Variants in MOB3B observed in about 807,000 individuals in gnomAD.
MOB3B encodes MOB kinase activator-like 2B.
In MOB3B, 7 loss-of-function variants were observed where a neutral mutation model predicts 18.7. The ratio of observed to expected loss-of-function variants is 0.37; its 90% CI spans 0.21 to 0.70. The LOEUF is 0.70. Ranked by LOEUF, MOB3B falls within the 30% of genes least tolerant of loss-of-function variation. The pLI is 0.52. For missense variants in MOB3B, 253 were observed against 281.3 expected, an observed-to-expected ratio of 0.90 and a Z score of 0.72; for synonymous variants, 111 against 99.9, an observed-to-expected ratio of 1.11 and a Z score of -0.66.
chr9:27,411,818 T>G (rs544362854), intron 2 of MOB3B, among the ~76,000 whole-genome samples: 1 of 152,322 alleles, frequency 6.6e-6, no homozygotes, highest in Middle Eastern at 3.4e-3. Flanking sequence ...TCAACCCTAA[T>G]GTAAACTATG....
chr9:27,488,494 G>C (rs1819764786), intron 1 of MOB3B, among the ~76,000 whole-genome samples: 1 of 152,144 alleles, frequency 6.6e-6, no homozygotes, highest in African/African-American at 2.4e-5. Flanking sequence ...TGCAGCCTCT[G>C]CCTCCCAGGT....
intron 2 of MOB3B, among the ~76,000 whole-genome samples, chr9:27,360,980 G>A (rs1251749381): frequency 6.6e-6 from 1 of 152,190 alleles, no homozygotes; most frequent in Non-Finnish European, 1.5e-5. Context: ...GTGGAGAGGG[G>A]CCTGCAGAAC....
chr9:27,500,532 A>T (rs1007116790), intron 1 of MOB3B, among the ~76,000 whole-genome samples: 4 of 152,126 alleles, frequency 2.6e-5, no homozygotes, highest in African/African-American at 9.7e-5. Flanking sequence ...TACTGGGAAA[A>T]CTCGCTAGCC....
chr9:27,346,366 G>A lies in MOB3B; in HGVS notation c.621+12668C>T, dbSNP rs561318927. On this transcript the variant is annotated intron_variant, in intron 3 of 3. Transcript: ENST00000262244. ...TGTATCTGGGTTTTGGAATCAGACCGTATGTGCTCAATCTTGGCTCCACAG... is the reference window on the plus strand; with the variant it reads ...TGTATCTGGGTTTTGGAATCAGACCATATGTGCTCAATCTTGGCTCCACAG... Among the ~76,000 whole-genome samples the A allele has an allele frequency of 8.2e-4, 125 of 152,292 alleles. 2 individuals carry two copies. Among genetic ancestry groups the A allele is most frequent in the African/African-American group, 2.9e-3 (121 of 41,550 alleles).
At chr9:27,497,927 AG>A (rs1819923859) in intron 1 of MOB3B, among the ~76,000 whole-genome samples, 1 of 152,270 alleles carries the variant, frequency 6.6e-6, no homozygotes, top group African/African-American at 2.4e-5. Context: ...TGAAACTCCA[AG>A]AAAGACAAGA....
At chr9:27,362,077 T>C (rs867386564) in intron 2 of MOB3B, among the ~76,000 whole-genome samples, 9 of 152,136 alleles carry the variant, frequency 5.9e-5, no homozygotes, top group Non-Finnish European at 1.0e-4. Flanking sequence ...TCCAAGCGGC[T>C]CTGTTCCCCC....
chr9:27,528,454 A>G (rs1181284504), intron 1 of MOB3B, among the ~76,000 whole-genome samples: 6 of 152,224 alleles, frequency 3.9e-5, no homozygotes, highest in Non-Finnish European at 7.3e-5. Flanking sequence ...GAGATCTGAG[A>G]AATGCGCCCT....
At chr9:27,456,748 C>A (rs1176365136) in intron 1 of MOB3B, among the ~76,000 whole-genome samples, 3 of 152,308 alleles carry the variant, frequency 2.0e-5, no homozygotes, top group African/African-American at 7.2e-5. Flanking sequence ...CGTGATAATG[C>A]AAATGTGTTA....
chr9:27,368,323 T>C (rs1821366601), intron 2 of MOB3B, among the ~76,000 whole-genome samples: 1 of 149,950 alleles, frequency 6.7e-6, no homozygotes, highest in Non-Finnish European at 1.5e-5. Context: ...TATATATACA[T>C]ACATATACAT....
chr9:27,419,922 A>G (rs1822213833), intron 2 of MOB3B, among the ~76,000 whole-genome samples: 1 of 152,054 alleles, frequency 6.6e-6, no homozygotes, highest in African/African-American at 2.4e-5. Context: ...AAAGACCAAT[A>G]TCCAGAATCT....
At chr9:27,364,666 T>A (rs1821318390) in intron 2 of MOB3B, among the ~76,000 whole-genome samples, 1 of 152,162 alleles carries the variant, frequency 6.6e-6, no homozygotes, top group South Asian at 2.1e-4. Flanking sequence ...AAAGAATATA[T>A]CCCTTAAAGA....
chr9:27,351,916 C>T (rs751147570), intron 3 of MOB3B, among the ~76,000 whole-genome samples: 2 of 152,132 alleles, frequency 1.3e-5, no homozygotes, highest in East Asian at 1.9e-4. Context: ...AAAAAGCACC[C>T]GTTTTTAGAG....
chr9:27,378,443 A>G (rs529019097), intron 2 of MOB3B: 9 of 471,466 alleles, frequency 1.9e-5, no homozygotes, highest in Admixed American at 4.7e-5. Flanking sequence ...AGTTCCCTCA[A>G]TGATGTGGCC....
intron 1 of MOB3B, among the ~76,000 whole-genome samples, chr9:27,472,727 T>C (rs1012643065): frequency 6.7e-6 from 1 of 149,728 alleles, no homozygotes; most frequent in Non-Finnish European, 1.5e-5. Context: ...GTTTAAACAG[T>C]GTTTGATTTT....
At chr9:27,516,499 A>T (rs1820236673) in intron 1 of MOB3B, among the ~76,000 whole-genome samples, 1 of 152,250 alleles carries the variant, frequency 6.6e-6, no homozygotes, top group Non-Finnish European at 1.5e-5. Flanking sequence ...GGAGGGCATT[A>T]GGCCTAGATC....
chr9:27,380,790 G>T (rs1821567729), intron 2 of MOB3B, among the ~76,000 whole-genome samples: 1 of 147,708 alleles, frequency 6.8e-6, no homozygotes, highest in Non-Finnish European at 1.5e-5. Context: ...CCCCCTCATA[G>T]TTCCTAACCC....
intron 2 of MOB3B, among the ~76,000 whole-genome samples, chr9:27,408,475 C>T (rs1377973621): frequency 2.0e-5 from 3 of 152,158 alleles, no homozygotes; most frequent in African/African-American, 7.2e-5. Context: ...CTTTGACTTC[C>T]TTCAGTTGGC....
intron 1 of MOB3B, among the ~76,000 whole-genome samples, chr9:27,527,640 A>C (rs1427725731): frequency 6.6e-6 from 1 of 152,208 alleles, no homozygotes; most frequent in African/African-American, 2.4e-5. Flanking sequence ...TTGAGGAGGA[A>C]TCAAAAGTGT....
chr9:27,432,328 G>A (rs1387565524), intron 2 of MOB3B, among the ~76,000 whole-genome samples: 1 of 151,966 alleles, frequency 6.6e-6, no homozygotes, highest in Non-Finnish European at 1.5e-5. Context: ...TCAATCACAG[G>A]GTTATTGCCA....
Sources: gnomAD v4.1 joint callset for allele counts (sites outside exome capture counted in the v4.1 genomes callset) on GRCh38, gnomAD v4.1.1 for gene constraint, MANE v1.5 for transcripts, NCBI Gene and HGNC (gene_info 2026-07-23, HGNC 2026-07-21) for gene names.